The following COL8A2 variants were observed in gnomAD, a reference collection of about 807,000 sequenced individuals.
COL8A2 encodes the protein collagen type VIII alpha 2 chain.
In COL8A2, 16 loss-of-function variants were observed where a neutral mutation model predicts 24.0. The observed-to-expected ratio is 0.67, with a 90% CI of 0.45 to 1.01. The LOEUF (loss-of-function observed/expected upper bound fraction) is 1.01, where lower values mean the gene tolerates loss of function less well. Among genes scored for constraint, COL8A2 ranks in the 50% least tolerant of loss-of-function variants. The pLI is 0.00. For missense variants in COL8A2, 818 were observed against 942.4 expected (o/e 0.87, Z 1.73); for synonymous variants, 466 against 424.5 (o/e 1.10, Z -1.20).
intron 2 of COL8A2, among the ~76,000 whole-genome samples, chr1:36,107,324 A>C (rs1316600879): frequency 6.6e-6 from 1 of 151,594 alleles, no homozygotes; most frequent in African/African-American, 2.4e-5. Context: ...GGATTGCTTG[A>C]GCCTGTGAGT....
At chr1:36,118,260 C>A (rs935915055) in intron 1 of COL8A2, among the ~76,000 whole-genome samples, 1 of 152,200 alleles carries the variant, frequency 6.6e-6, no homozygotes, top group African/African-American at 2.4e-5. Context: ...GGGATCTGAA[C>A]CCAGCTCTGC....
chr1:36,115,387 G>A lies in COL8A2; in HGVS notation c.-17+321C>T, dbSNP rs975227168. On this transcript the variant is annotated intron_variant, in intron 2 of 3. Transcript: ENST00000397799. The surrounding 1 kb of genome is among the most constrained non-coding windows in gnomAD (Gnocchi z 5.7). ...GGTGGCGGCAGCAGCGGCAGCAGGA[G>A]GGGCTGGGCTGGGCAGGGAGGGGGC... is the stretch of plus-strand genomic sequence containing the variant. Among the ~76,000 whole-genome samples the A allele has an allele frequency of 1.3e-5, 2 of 152,220 alleles. No homozygotes were observed. The highest frequency in any genetic ancestry group is 4.8e-5 in the African/African-American group (2 of 41,464).
intron 2 of COL8A2, among the ~76,000 whole-genome samples, chr1:36,102,201 C>T (rs1643687487): frequency 6.6e-6 from 1 of 152,164 alleles, no homozygotes; most frequent in Non-Finnish European, 1.5e-5. Context: ...AGTCCTGACA[C>T]CTGCTACAAC....
intron 1 of COL8A2, among the ~76,000 whole-genome samples, chr1:36,117,901 G>C (rs1404929191): frequency 6.6e-6 from 1 of 151,634 alleles, no homozygotes; most frequent in East Asian, 1.9e-4. Flanking sequence ...TTTGAACCCT[G>C]GCTGCAGGCT....
chr1:36,120,617 G>A (rs1030310995), intron 1 of COL8A2, among the ~76,000 whole-genome samples: 17 of 151,794 alleles, frequency 1.1e-4, no homozygotes, highest in South Asian at 4.2e-4. Flanking sequence ...GCTTGGCAGC[G>A]TGTGCCTGTA....
intron 1 of COL8A2, among the ~76,000 whole-genome samples, chr1:36,122,082 G>T (rs1207385949): frequency 6.6e-6 from 1 of 152,124 alleles, no homozygotes; most frequent in Non-Finnish European, 1.5e-5. Context: ...GCACGGCCAG[G>T]TCCTCCCCAG....
At position 36,098,743 on chromosome 1, in the gene COL8A2, G is replaced by A; in HGVS notation, c.938C>T (p.Thr313Ile). Residue 313 changes from threonine (T) to isoleucine (I), a missense_variant, in exon 4 of 4, where the codon ACT (threonine) becomes ATT (isoleucine). Physicochemically the swap from Thr to Ile is moderately conservative, Grantham distance 89 (BLOSUM62 -1). This residue lies in a region of COL8A2 where 573 missense variants were observed against 616.8 expected (regional missense o/e 0.93). Transcript: ENST00000397799. Reference sequence around the variant, plus strand: ...TGGCAGTCCTGGCATCCCATAGCCAGTGGGGCCTATCAGCCCAGGGGGGCC... The same window carrying A: ...TGGCAGTCCTGGCATCCCATAGCCAATGGGGCCTATCAGCCCAGGGGGGCC... ...TRGPPGLIGP[T>I]GYGMPGLPGP... is the part of the protein sequence containing the mutation. The A allele has an allele frequency of 6.2e-7, 1 of 1,611,506 alleles. No homozygotes were observed. Among genetic ancestry groups the A allele is most frequent in the Non-Finnish European group, 8.5e-7 (1 of 1,179,532 alleles).
At chr1:36,122,543 C>G (rs1643921918) in intron 1 of COL8A2, among the ~76,000 whole-genome samples, 1 of 152,190 alleles carries the variant, frequency 6.6e-6, no homozygotes, top group South Asian at 2.1e-4. Flanking sequence ...AGCGCCAAAC[C>G]CACATCTCCC....
At chr1:36,122,314 C>T (rs1643919758) in intron 1 of COL8A2, among the ~76,000 whole-genome samples, 1 of 152,214 alleles carries the variant, frequency 6.6e-6, no homozygotes, top group Non-Finnish European at 1.5e-5. Context: ...CTCATCTCCA[C>T]ACAGCACATG....
chr1:36,125,184 C>T lies in COL8A2; in HGVS notation c.-189G>A, dbSNP rs1486834712. ...TCCGGGGTCCGCGCCGGCGGGGTTC[C>T]GCGTCGCTCTGCCGGCCGCCCCTCG... On this transcript the variant is annotated 5_prime_UTR_variant, in exon 1 of 4. Coordinates refer to ENST00000397799, the MANE Select transcript of COL8A2 (RefSeq NM_005202.4). The surrounding 1 kb of genome is among the most constrained non-coding windows in gnomAD (Gnocchi z 4.5). 2.4e-6 allele frequency: 1 copy of T among 414,542 alleles called. No individual in the cohort carries two copies. The highest frequency in any genetic ancestry group is 3.2e-6 in the Non-Finnish European group (1 of 309,754). The allele number at this position is 414,542 out of a possible 1,614,324, so 25.7% of individuals were successfully genotyped here.
intron 1 of COL8A2, among the ~76,000 whole-genome samples, 162 bp downstream of exon 1, chr1:36,124,895 C>A (rs1041127087): frequency 6.6e-6 from 1 of 152,038 alleles, no homozygotes; most frequent in African/African-American, 2.4e-5. Flanking sequence ...TGGGCTCCCC[C>A]ATTCTAAGGC....
intron 2 of COL8A2, among the ~76,000 whole-genome samples, chr1:36,109,459 T>G (rs955503124): frequency 6.6e-6 from 1 of 152,216 alleles, no homozygotes; most frequent in African/African-American, 2.4e-5. Flanking sequence ...TGGACTCCTG[T>G]TTCAGCACAG....
intron 2 of COL8A2, among the ~76,000 whole-genome samples, chr1:36,113,265 C>CTG (rs1643863840): frequency 1.3e-5 from 2 of 152,336 alleles, no homozygotes; most frequent in Admixed American, 6.5e-5. Context: ...TCTGACATCT[C>CTG]TGTCTCTGTG....
Position 36,098,460 on chromosome 1 carries a change from G to A in COL8A2, c.1221C>T (p.Val407=). The A allele has an allele frequency of 1.3e-6, 2 of 1,577,094 alleles. No homozygotes were observed. Among genetic ancestry groups the A allele is most frequent in the Non-Finnish European group, 1.7e-6 (2 of 1,161,954 alleles). Residue 407 remains valine, a synonymous_variant, in exon 4 of 4, where the codon GTC becomes GTT. Transcript: ENST00000397799. The stretch of plus-strand genomic sequence containing the variant: ...CCCCAGGAAGTCCCCTCTCACCTGG[G>A]ACCCCTGGTTTCCCAGCCAGGCCAC... ...GPSGLAGKPG[V]PGERGLPGAH...
intron 2 of COL8A2, among the ~76,000 whole-genome samples, chr1:36,109,652 C>A (rs1415807605): frequency 1.3e-5 from 2 of 151,372 alleles, no homozygotes; most frequent in African/African-American, 4.9e-5. Flanking sequence ...TCACTGCAAC[C>A]TCCGCCTTCC....
rs1394680549 is a variant in COL8A2 at position 36,100,144 on chromosome 1, A to C, written c.99T>G (p.Gly33=). 5.6e-6 allele frequency: 9 copies of C among 1,612,120 alleles called. No homozygotes were observed. The highest frequency in any genetic ancestry group is 7.6e-6 in the Non-Finnish European group (9 of 1,179,496). Residue 33 remains glycine, a synonymous_variant, in exon 3 of 4, where the codon GGT becomes GGG. Coordinates refer to ENST00000397799, the MANE Select transcript of COL8A2 (RefSeq NM_005202.4). ...GPRASSGGGA[G]GAAGYAPVKY... is the part of the protein sequence containing the mutation. Reference sequence around the variant, plus strand: ...TCACTGGGGCATAGCCCGCCGCCCCACCGGCCCCGCCACCAGAGGACGCCC... The same window carrying C: ...TCACTGGGGCATAGCCCGCCGCCCCCCCGGCCCCGCCACCAGAGGACGCCC...
chr1:36,121,577 G>T (rs1236296545), intron 1 of COL8A2, among the ~76,000 whole-genome samples: 2 of 150,754 alleles, frequency 1.3e-5, no homozygotes, highest in African/African-American at 4.9e-5. Flanking sequence ...GCATGGTGGT[G>T]GACGCCTATA....
intron 2 of COL8A2, among the ~76,000 whole-genome samples, chr1:36,103,657 C>T (rs745936557): frequency 2.6e-5 from 4 of 151,812 alleles, no homozygotes; most frequent in Non-Finnish European, 4.4e-5. Flanking sequence ...AATCTCAGCT[C>T]ACTGCAACCT....
intron 2 of COL8A2, among the ~76,000 whole-genome samples, chr1:36,101,679 C>T (rs1018077612): frequency 2.0e-5 from 3 of 152,154 alleles, no homozygotes; most frequent in African/African-American, 7.2e-5. Context: ...AAAGTAGAGA[C>T]AACGCAAATG....
Sources: gnomAD v4.1 joint callset for allele counts (sites outside exome capture counted in the v4.1 genomes callset) on GRCh38, gnomAD v4.1.1 for gene constraint, gnomAD v4.1.1 regional missense constraint, Gnocchi (gnomAD v3.1) non-coding constraint, MANE v1.5 for transcripts, NCBI Gene and HGNC (gene_info 2026-07-23, HGNC 2026-07-21) for gene names.